The following MASP2 variants were observed in gnomAD, a reference collection of about 807,000 sequenced individuals.
The protein encoded by MASP2 is MBL associated serine protease 2.
A neutral mutation model predicts 57.1 loss-of-function variants in MASP2; 49 were observed. The observed-to-expected ratio is 0.86, with a 90% CI of 0.68 to 1.09. The LOEUF is 1.09. Among genes scored for constraint, MASP2 ranks in the 50% least tolerant of loss-of-function variants. MASP2 has a pLI of 0.00. For missense variants in MASP2, 900 were observed against 874.8 expected, an observed-to-expected ratio of 1.03 and a Z score of -0.36; for synonymous variants, 379 against 340.8, an observed-to-expected ratio of 1.11 and a Z score of -1.24.
At chr1:11,037,589 T>TTTTGTGCTGGAATTACAG (rs1197009292) in intron 7 of MASP2, 104 bp downstream of exon 7, 1 of 691,096 alleles carries the variant, frequency 1.4e-6, no homozygotes, top group African/African-American at 1.8e-5. Context: ...GAAATCATGC[T>TTTTGTGCTGGAATTACAG]GACACACGAT....
intron 7 of MASP2, among the ~76,000 whole-genome samples, chr1:11,036,494 G>A (rs2100886604): frequency 1.9e-5 from 2 of 104,922 alleles, no homozygotes; most frequent in East Asian, 3.4e-4. Flanking sequence ...CTGGGCGACA[G>A]AGCGAGACTC....
chr1:11,042,273 T>A, intron 6 of MASP2, among the ~76,000 whole-genome samples: 1 of 145,882 alleles, frequency 6.9e-6, no homozygotes, highest in African/African-American at 2.6e-5. Context: ...GGTGGATGGG[T>A]GGATGAATAG....
intron 6 of MASP2, among the ~76,000 whole-genome samples, chr1:11,041,105 A>ATGGATGGATGGATGGATGGATG (rs59932912): frequency 7.5e-6 from 1 of 132,936 alleles, no homozygotes; most frequent in Non-Finnish European, 1.6e-5. Context: ...AAGGATGGAT[A>ATGGATGGATGGATGGATGGATG]GATGGATGGA....
At chr1:11,029,202 A>C (rs991770619) in intron 10 of MASP2, among the ~76,000 whole-genome samples, 1 of 149,768 alleles carries the variant, frequency 6.7e-6, no homozygotes, top group Non-Finnish European at 1.5e-5. Context: ...GAGTTTCACC[A>C]TGTTGGCCAA....
intron 3 of MASP2, chr1:11,046,201 T>C (rs1638632618): frequency 2.8e-6 from 1 of 353,484 alleles, no homozygotes; most frequent in Admixed American, 4.0e-5. Flanking sequence ...TTAGTGGAGA[T>C]AGAGTTTCAC....
rs765126759 is a variant in MASP2, at chr1:11,034,871, A to G, written c.1044T>C (p.Cys348=). 1 of 1,613,350 alleles carries G rather than the reference A, an allele frequency of 6.2e-7. No homozygotes were observed. Among genetic ancestry groups the G allele is most frequent in the South Asian group, 1.1e-5 (1 of 90,918 alleles). ...GCCGGTCCCAAGATCCATCTTTCTG[A>G]CAAACTGCAGTAAAGGATTTCAGGG... ...HLPLKSFTAV[C]QKDGSWDRPM... Residue 348 remains cysteine (C), a synonymous_variant, in exon 8 of 11, where the codon TGT becomes TGC. Coordinates refer to ENST00000400897, the MANE Select transcript of MASP2 (RefSeq NM_006610.4).
intron 3 of MASP2, 171 bp from the exon 4 acceptor site, chr1:11,045,710 C>T: frequency 3.0e-6 from 2 of 661,290 alleles, no homozygotes; most frequent in South Asian, 4.0e-5. Context: ...AGGGTCGCTG[C>T]AAGCTCCCAG....
At chr1:11,044,761 T>TTCC in intron 4 of MASP2, 3 of 1,313,614 alleles carry the variant, frequency 2.3e-6, no homozygotes, top group Non-Finnish European at 3.1e-6. Context: ...CCCCGCCGCC[T>TTCC]CCCGACCCTC....
At chr1:11,046,868 C>T in intron 2 of MASP2, 23 bp downstream of exon 2, 1 of 1,555,000 alleles carries the variant, frequency 6.4e-7, no homozygotes, top group Non-Finnish European at 8.7e-7. Context: ...TGAGAAACCC[C>T]AGCCCTCCCG....
chr1:11,037,161 T>G (rs931484173), intron 7 of MASP2, among the ~76,000 whole-genome samples: 4 of 152,090 alleles, frequency 2.6e-5, no homozygotes, highest in African/African-American at 9.7e-5. Context: ...CAAGTGATTC[T>G]CCTGCCTCAG....
Position 11,026,693 on chromosome 1 carries a change from AG to A in MASP2, c.*191del. On this transcript the variant is annotated 3_prime_UTR_variant, in exon 11 of 11. Transcript: ENST00000400897. Reference sequence around the variant, plus strand: ...CACTCTCGTGGTTTATGTCCCCTTGAGTCAATGGGTAAGGCTGGAATTAAAC... The same window carrying A: ...CACTCTCGTGGTTTATGTCCCCTTGATCAATGGGTAAGGCTGGAATTAAAC... The A allele has an allele frequency of 2.3e-6, 1 of 427,494 alleles. No individual in the cohort carries two copies. The highest frequency in any genetic ancestry group is 4.1e-6 in the Non-Finnish European group (1 of 246,876). 26.5% of individuals were successfully genotyped at this position (427,494 alleles called of 1,614,324 possible). A position where few individuals can be genotyped will look rare whatever the true frequency, so the allele number is the denominator to read the frequency against.
chr1:11,040,964 T>C (rs1260955159), intron 6 of MASP2, among the ~76,000 whole-genome samples: 1 of 149,874 alleles, frequency 6.7e-6, no homozygotes, highest in East Asian at 2.0e-4. Flanking sequence ...GAAAGATGGA[T>C]GGATGGATGG....
intron 8 of MASP2, among the ~76,000 whole-genome samples, chr1:11,031,839 G>A (rs1643850892): frequency 6.6e-6 from 1 of 152,106 alleles, no homozygotes; most frequent in South Asian, 2.1e-4. Flanking sequence ...CTTGAGCCTG[G>A]GAGGATGAGG....
intron 6 of MASP2, among the ~76,000 whole-genome samples, chr1:11,042,025 G>A: frequency 6.6e-6 from 1 of 151,680 alleles, no homozygotes; most frequent in Non-Finnish European, 1.5e-5. Flanking sequence ...TAGAACAATG[G>A]GTGGTTGGAT....
rs1404382527 is a variant in MASP2, at chr1:11,027,020, A to G, written c.1926T>C (p.Ser642=). 7 of 1,597,914 alleles carry G rather than the reference A, an allele frequency of 4.4e-6. No homozygotes were observed. The Middle Eastern group carries it at 5.0e-4, about 114-fold the overall frequency. The change falls in exon 11 of 11, where the codon AGT becomes AGC. Residue 642 remains serine (S), a synonymous_variant. Transcript: ENST00000400897. Reference sequence around the variant, plus strand: ...CTCCCACAAACCACCTCTCTGTTTCACTATCTAGAAACACCAGTGCCCCTC... The same window carrying G: ...CTCCCACAAACCACCTCTCTGTTTCGCTATCTAGAAACACCAGTGCCCCTC... ...DSGGALVFLD[S]ETERWFVGGI...
At chr1:11,027,807 A>C (rs1335641314) in intron 10 of MASP2, among the ~76,000 whole-genome samples, 159 bp from the exon 11 acceptor site, 1 of 152,244 alleles carries the variant, frequency 6.6e-6, no homozygotes, top group East Asian at 1.9e-4. Context: ...GGCTATTTTA[A>C]AACATCACAG....
chr1:11,027,862 A>C (rs1206458260), intron 10 of MASP2, among the ~76,000 whole-genome samples: 2 of 152,246 alleles, frequency 1.3e-5, no homozygotes, highest in Non-Finnish European at 2.9e-5. Flanking sequence ...AGCTCCTCAG[A>C]AAATGAGATT....
rs775120367 is a variant in MASP2, at chr1:11,045,428, C to T, written c.524G>A (p.Arg175His). 27 of 1,613,066 alleles carry T rather than the reference C, an allele frequency of 1.7e-5. No homozygotes were observed. The highest frequency in any genetic ancestry group is 4.4e-5 in the South Asian group (4 of 91,090). Residue 175 changes from arginine (R) to histidine (H), a missense_variant, in exon 4 of 11, where the codon CGT becomes CAT. Coordinates refer to ENST00000400897, the MANE Select transcript of MASP2 (RefSeq NM_006610.4). The part of the protein sequence containing the change: ...CSCRAGYVLH[R>H]NKRTCSALCS... ...CTCACCTGAGCAGGTGCGCTTGTTA[C>T]GGTGCAGGACGTAGCCTGCGCGGCA...
chr1:11,042,011 T>A (rs1638467406), intron 6 of MASP2, among the ~76,000 whole-genome samples: 1 of 139,814 alleles, frequency 7.2e-6, no homozygotes, highest in Non-Finnish European at 1.5e-5. Context: ...GATGGATAAG[T>A]AGGTAGAACA....
Sources: gnomAD v4.1 joint callset for allele counts (sites outside exome capture counted in the v4.1 genomes callset) on GRCh38, gnomAD v4.1.1 for gene constraint, MANE v1.5 for transcripts, NCBI Gene and HGNC (gene_info 2026-07-23, HGNC 2026-07-21) for gene names.